PTPRD: variants seen among roughly 807,000 people sequenced by gnomAD.
PTPRD encodes receptor-type tyrosine-protein phosphatase delta.
A neutral mutation model predicts 214.5 loss-of-function variants in PTPRD; 34 were observed. The ratio of observed to expected loss-of-function variants is 0.16; its 90% CI spans 0.12 to 0.21. PTPRD has a LOEUF of 0.21. Ranked by LOEUF, PTPRD falls within the 10% of genes least tolerant of loss-of-function variation. PTPRD has a pLI of 1.00. For missense variants in PTPRD, 2,545 were observed against 2,398.7 expected, an observed-to-expected ratio of 1.06 and a Z score of -1.27; for synonymous variants, 1,128 against 845.7, an observed-to-expected ratio of 1.33 and a Z score of -5.79.
chr9:8,333,729 A>T (rs1243209728), intron 43 of PTPRD, among the ~76,000 whole-genome samples: 1 of 152,186 alleles, frequency 6.6e-6, no homozygotes, highest in Non-Finnish European at 1.5e-5. Flanking sequence ...TACATGGACT[A>T]AATGCCCCAA....
In PTPRD at chr9:8,835,990, C is replaced by G. The variant is rs1046271771; in HGVS notation, c.-103-102044G>C. Among the ~76,000 whole-genome samples, 6 of 152,158 alleles carry G rather than the reference C, an allele frequency of 3.9e-5. 1 individual carries two copies. Among genetic ancestry groups the G allele is most frequent in the African/African-American group, 7.2e-5 (3 of 41,434 alleles). On this transcript the variant is annotated intron_variant, in intron 11 of 45. Coordinates refer to ENST00000381196, the MANE Select transcript of PTPRD (RefSeq NM_002839.4). ...GCATCCTCAGTGCCTGGATCCACGT[C>G]TGTAACACAGTAGGAACTTCATAAA... is the stretch of plus-strand genomic sequence containing the variant.
At chr9:9,543,539 T>G (rs901231851) in intron 8 of PTPRD, among the ~76,000 whole-genome samples, 1 of 151,766 alleles carries the variant, frequency 6.6e-6, no homozygotes, top group Middle Eastern at 3.4e-3. Flanking sequence ...TAAGATTTAC[T>G]AAGTTTTCCA....
chr9:9,779,078 C>CCAAAAAAAAA (rs1282567404), intron 5 of PTPRD, among the ~76,000 whole-genome samples: 1 of 45,456 alleles, frequency 2.2e-5, no homozygotes, highest in African/African-American at 8.9e-5. Flanking sequence ...ATAAGACTGA[C>CCAAAAAAAAA]AAAAAAAAAA....
intron 6 of PTPRD, among the ~76,000 whole-genome samples, chr9:9,762,105 T>C (rs2098662905): frequency 6.6e-6 from 1 of 152,136 alleles, no homozygotes; most frequent in Non-Finnish European, 1.5e-5. Context: ...CTTACATCAC[T>C]CCAGGACAGT....
intron 3 of PTPRD, among the ~76,000 whole-genome samples, chr9:10,202,002 T>C (rs561250629): frequency 2.6e-5 from 4 of 152,172 alleles, no homozygotes; most frequent in Middle Eastern, 3.4e-3. Flanking sequence ...TGTTTTCCAA[T>C]ATATTTTGAA....
chr9:8,449,866 GA>G, intron 33 of PTPRD, 29 bp from the exon 34 acceptor site: 2 of 1,601,502 alleles, frequency 1.2e-6, no homozygotes, highest in Non-Finnish European at 1.7e-6. Flanking sequence ...AATTTAAGAA[GA>G]AAAGAAAAAT....
At chr9:9,267,076 A>G (rs960957102) in intron 9 of PTPRD, among the ~76,000 whole-genome samples, 10 of 151,438 alleles carry the variant, frequency 6.6e-5, no homozygotes, top group African/African-American at 2.2e-4. Flanking sequence ...ATATAAATGA[A>G]TAAATGTTTT....
intron 9 of PTPRD, among the ~76,000 whole-genome samples, chr9:9,393,447 A>G (rs951635439): frequency 4.6e-5 from 7 of 152,116 alleles, no homozygotes; most frequent in Non-Finnish European, 7.4e-5. Flanking sequence ...GTGACTCACC[A>G]TATAGAAAGA....
chr9:9,282,694 G>C (rs1037966732), intron 9 of PTPRD, among the ~76,000 whole-genome samples: 1 of 151,416 alleles, frequency 6.6e-6, no homozygotes, highest in East Asian at 2.0e-4. Context: ...AGTTCAAAGA[G>C]AGAATGAAAG....
At chr9:10,293,767 G>C (rs2095597535) in intron 3 of PTPRD, among the ~76,000 whole-genome samples, 1 of 151,922 alleles carries the variant, frequency 6.6e-6, no homozygotes, top group Non-Finnish European at 1.5e-5. Flanking sequence ...TTCATTGGTG[G>C]AAAGAACAGC....
At chr9:8,429,482 A>G (rs951576089) in intron 35 of PTPRD, among the ~76,000 whole-genome samples, 3 of 152,124 alleles carry the variant, frequency 2.0e-5, no homozygotes, top group South Asian at 2.1e-4. Flanking sequence ...GATGTATTTC[A>G]TTATTCATCA....
chr9:10,245,173 T>C (rs2091873137), intron 3 of PTPRD, among the ~76,000 whole-genome samples: 1 of 152,112 alleles, frequency 6.6e-6, no homozygotes, highest in Admixed American at 6.6e-5. Context: ...CTGAGCAAAA[T>C]GTAGATTCCA....
chr9:8,947,801 C>T (rs545865811), intron 11 of PTPRD, among the ~76,000 whole-genome samples: 10 of 152,174 alleles, frequency 6.6e-5, no homozygotes, highest in South Asian at 4.2e-4. Flanking sequence ...ATACAACAGA[C>T]GTATTTTTGG....
At chr9:8,844,884 T>C (rs2097654779) in intron 11 of PTPRD, among the ~76,000 whole-genome samples, 1 of 152,160 alleles carries the variant, frequency 6.6e-6, no homozygotes, top group Non-Finnish European at 1.5e-5. Context: ...ACTATCATGG[T>C]GGAATTTGAG....
At chr9:10,596,699 T>C (rs1188040281) in intron 2 of PTPRD, among the ~76,000 whole-genome samples, 2 of 151,584 alleles carry the variant, frequency 1.3e-5, no homozygotes, top group Non-Finnish European at 3.0e-5. Flanking sequence ...AATTAGAACC[T>C]AGTAGTAAAG....
At chr9:8,626,838 T>C (rs564517423) in intron 14 of PTPRD, among the ~76,000 whole-genome samples, 3 of 151,820 alleles carry the variant, frequency 2.0e-5, no homozygotes, top group African/African-American at 4.8e-5. Context: ...CTGCCAACTT[T>C]GGCAGATCTT....
In PTPRD at chr9:8,730,212, C is replaced by T. The variant is rs144297385; in HGVS notation, c.64+3568G>A. On this transcript the variant is annotated intron_variant, in intron 12 of 45. Coordinates refer to ENST00000381196, the MANE Select transcript of PTPRD (RefSeq NM_002839.4). ...CGGAGCTTGCACTGAGCCGAGATCG[C>T]GCCACTGCACTCCAGCCTAGGCGAC... is the stretch of plus-strand genomic sequence containing the variant. Among the ~76,000 whole-genome samples, 509 of 152,100 alleles carry T rather than the reference C, an allele frequency of 3.3e-3. 4 individuals carry two copies. The highest frequency in any genetic ancestry group is 5.9e-3 in the Non-Finnish European group (399 of 67,992).
At chr9:10,422,024 C>A (rs1323921565) in intron 2 of PTPRD, among the ~76,000 whole-genome samples, 2 of 151,762 alleles carry the variant, frequency 1.3e-5, no homozygotes. Flanking sequence ...TCAGACACTG[C>A]AATTGAAACA....
intron 11 of PTPRD, among the ~76,000 whole-genome samples, chr9:8,990,652 T>C (rs974898272): frequency 1.3e-5 from 2 of 152,118 alleles, no homozygotes; most frequent in Non-Finnish European, 2.9e-5. Context: ...ACTAAAAATA[T>C]TATTCTCGCC....
Sources: allele counts gnomAD v4.1 joint callset (sites outside exome capture counted in the v4.1 genomes callset), GRCh38; gene constraint gnomAD v4.1.1; transcripts MANE v1.5; gene names NCBI Gene and HGNC (gene_info 2026-07-23, HGNC 2026-07-21).